Variants in GOLGA3 observed in about 807,000 individuals in gnomAD.
The protein encoded by GOLGA3 is golgin subfamily A member 3.
GOLGA3 carries 75 observed loss-of-function variants against 169.4 expected under a neutral mutation model. That is an observed-to-expected ratio of 0.44 (90% CI 0.37 to 0.54). The LOEUF (loss-of-function observed/expected upper bound fraction) is 0.54. Among genes scored for constraint, GOLGA3 ranks in the 20% least tolerant of loss-of-function variants. The probability of loss-of-function intolerance (pLI) is 0.00; values close to 1 mark genes in which losing one functional copy is unlikely to be tolerated. For synonymous variants in GOLGA3, 824 were observed against 822.4 expected, an observed-to-expected ratio of 1.00 and a Z score of -0.03; for missense variants, 1,899 against 1,930.0, an observed-to-expected ratio of 0.98 and a Z score of 0.30.
intron 20 of GOLGA3, 72 bp from the exon 21 acceptor site, chr12:132,776,828 T>C: frequency 1.3e-6 from 2 of 1,579,526 alleles, no homozygotes; most frequent in East Asian, 4.5e-5. Context: ...TGGCTCTAGC[T>C]GTGTTTTGGT....
intron 9 of GOLGA3, among the ~76,000 whole-genome samples, chr12:132,797,383 C>T (rs760236882): frequency 2.6e-5 from 4 of 152,160 alleles, no homozygotes; most frequent in African/African-American, 4.8e-5. Context: ...ATTTCTTCTT[C>T]TTTAATTTTT....
At chr12:132,821,863 A>AC (rs913643641) in intron 2 of GOLGA3, 133 bp downstream of exon 2, 1 of 618,128 alleles carries the variant, frequency 1.6e-6, no homozygotes, top group Non-Finnish European at 2.8e-6. Flanking sequence ...CAAAAAAAAA[A>AC]AAAAAAAAAA....
chr12:132,792,230 GCA>G (rs1948564678), intron 11 of GOLGA3, among the ~76,000 whole-genome samples: 1 of 152,218 alleles, frequency 6.6e-6, no homozygotes, highest in Admixed American at 6.5e-5. Context: ...CAGCATGAAG[GCA>G]CAGTGAGTGG....
chr12:132,796,480 C>T, intron 10 of GOLGA3, 59 bp downstream of exon 10: 2 of 1,552,324 alleles, frequency 1.3e-6, no homozygotes, highest in East Asian at 2.2e-5. Context: ...TGTGTGCAGT[C>T]CTGGCTGCTC....
At chr12:132,824,804 G>A (rs1039658942) in intron 1 of GOLGA3, among the ~76,000 whole-genome samples, 3 of 152,260 alleles carry the variant, frequency 2.0e-5, no homozygotes, top group South Asian at 2.1e-4. Flanking sequence ...ACACAGCACA[G>A]AACCCTCTGA....
At position 132,781,349 on chromosome 12, in the gene GOLGA3, G is replaced by A. The variant is rs185902405; in HGVS notation, c.3466-435C>T. Among the ~76,000 whole-genome samples the A allele has an allele frequency of 6.6e-5, 10 of 152,064 alleles. No individual in the cohort carries two copies. The East Asian group carries it at 1.9e-3, about 29-fold the overall frequency. Reference sequence around the variant, plus strand: ...GGCCGAGGCAGGCGGATGACAGTCAGAAAATCGAGACCATCCTGGCTAACA... The same window carrying A: ...GGCCGAGGCAGGCGGATGACAGTCAAAAAATCGAGACCATCCTGGCTAACA... On this transcript the variant is annotated intron_variant, in intron 17 of 23. Transcript: ENST00000450791.
intron 6 of GOLGA3, among the ~76,000 whole-genome samples, chr12:132,806,103 C>T (rs928990255): frequency 1.3e-5 from 2 of 152,208 alleles, no homozygotes; most frequent in Non-Finnish European, 2.9e-5. Context: ...ATCCAGTTCA[C>T]ACATCACCAA....
rs754289604 is a variant in GOLGA3, at chr12:132,773,173, C to T, written c.4429G>A (p.Ala1477Thr). 5.7e-6 allele frequency: 9 copies of T among 1,584,556 alleles called. No individual in the cohort carries two copies. The highest frequency in any genetic ancestry group is 1.8e-5 in the Admixed American group (1 of 56,294). The change falls in exon 24 of 24, where the codon GCC (alanine) becomes ACC (threonine). Residue 1477 changes from alanine (A) to threonine (T), a missense_variant. By Grantham distance (58) the Ala-to-Thr change is moderately conservative. Coordinates refer to ENST00000450791, the MANE Select transcript of GOLGA3 (RefSeq NM_001389683.1). Reference sequence around the variant, plus strand: ...CTCTGTGGGTCGCCGCGTGGGCCGGCGTGACCCCCCGGGGGCACAGGGCTG... The same window carrying T: ...CTCTGTGGGTCGCCGCGTGGGCCGGTGTGACCCCCCGGGGGCACAGGGCTG... ...TASPVPPGGHAGPRGDPQRHS... is the reference protein window; with the variant it reads ...TASPVPPGGHTGPRGDPQRHS...
chr12:132,783,011 C>G (rs1260794082), intron 16 of GOLGA3, among the ~76,000 whole-genome samples: 3 of 152,154 alleles, frequency 2.0e-5, no homozygotes, highest in African/African-American at 7.2e-5. Context: ...GCCTAGCCAA[C>G]ATGATGAAAC....
intron 22 of GOLGA3, 67 bp downstream of exon 22, chr12:132,775,071 TGCC>T: frequency 7.2e-7 from 1 of 1,385,984 alleles, no homozygotes; most frequent in African/African-American, 1.4e-5. Context: ...CTAACACGTC[TGCC>T]AGCCTCCTGT....
intron 6 of GOLGA3, 69 bp downstream of exon 6, chr12:132,807,108 C>A: frequency 2.2e-6 from 2 of 894,424 alleles, no homozygotes; most frequent in Non-Finnish European, 1.8e-6. Context: ...AAACCTCGTA[C>A]CCAACAGAGG....
chr12:132,794,202 G>A (rs547622290), intron 11 of GOLGA3, among the ~76,000 whole-genome samples: 3 of 152,240 alleles, frequency 2.0e-5, no homozygotes, highest in Non-Finnish European at 2.9e-5. Flanking sequence ...ATACTGCTGT[G>A]TCTAGATGCC....
intron 8 of GOLGA3, among the ~76,000 whole-genome samples, chr12:132,800,501 A>T (rs937201334): frequency 1.3e-5 from 2 of 152,182 alleles, no homozygotes; most frequent in Non-Finnish European, 1.5e-5. Flanking sequence ...CTCAAAACAA[A>T]CAAAAAAGTA....
chr12:132,819,727 C>T (rs563457348), intron 2 of GOLGA3, among the ~76,000 whole-genome samples: 2 of 151,746 alleles, frequency 1.3e-5, no homozygotes, highest in Middle Eastern at 3.4e-3. Context: ...AGAGGGGGAA[C>T]CTTGCATTTC....
chr12:132,796,887 G>A (rs918068579), intron 9 of GOLGA3, among the ~76,000 whole-genome samples, 187 bp from the exon 10 acceptor site: 3 of 152,196 alleles, frequency 2.0e-5, no homozygotes, highest in Non-Finnish European at 2.9e-5. Context: ...CCAGGAGACC[G>A]AGGCCAGGCC....
chr12:132,799,633 A>C (rs1266440672), intron 8 of GOLGA3, among the ~76,000 whole-genome samples: 1 of 151,988 alleles, frequency 6.6e-6, no homozygotes, highest in Non-Finnish European at 1.5e-5. Flanking sequence ...ACAGGGCAAG[A>C]CCCTGTCTCC....
At position 132,807,248 on chromosome 12, in the gene GOLGA3, TCTC is replaced by T. The variant is rs1442536405; in HGVS notation, c.1216_1218del (p.Glu406del). Reference sequence around the variant, plus strand: ...ATTTTCTCTTTGAGCACCTGCAGCATCTCCTCCTGTGTTTCTGCTGCAGAGCTC... The same window carrying T: ...ATTTTCTCTTTGAGCACCTGCAGCATCTCCTGTGTTTCTGCTGCAGAGCTC... On this transcript the variant is annotated inframe_deletion, in exon 6 of 24. Transcript: ENST00000450791. The T allele has an allele frequency of 1.9e-6, 3 of 1,596,584 alleles. No individual in the cohort carries two copies. The highest frequency in any genetic ancestry group is 8.5e-7 in the Non-Finnish European group (1 of 1,170,326).
chr12:132,813,016 T>C (rs1949791117), intron 4 of GOLGA3, among the ~76,000 whole-genome samples: 2 of 152,248 alleles, frequency 1.3e-5, no homozygotes, highest in African/African-American at 4.8e-5. Context: ...CAGTAGCGTA[T>C]ACACATAACT....
At chr12:132,796,434 G>A in intron 10 of GOLGA3, 105 bp downstream of exon 10, 4 of 1,339,462 alleles carry the variant, frequency 3.0e-6, no homozygotes, top group South Asian at 1.4e-5. Flanking sequence ...CACCTGAGCG[G>A]ACGTGGCCCC....
Sources: allele counts gnomAD v4.1 joint callset (sites outside exome capture counted in the v4.1 genomes callset), GRCh38; gene constraint gnomAD v4.1.1; transcripts MANE v1.5; gene names NCBI Gene and HGNC (gene_info 2026-07-23, HGNC 2026-07-21).